The following GTF3C1 variants were observed in gnomAD, a reference collection of about 807,000 sequenced individuals.
GTF3C1 encodes general transcription factor 3C polypeptide 1.
GTF3C1 carries 57 observed loss-of-function variants against 226.7 expected under a neutral mutation model. The ratio of observed to expected loss-of-function variants is 0.25; its 90% CI spans 0.20 to 0.31. The LOEUF is 0.31. Ranked by LOEUF, GTF3C1 falls within the 10% of genes least tolerant of loss-of-function variation. The pLI, the probability that GTF3C1 is intolerant of heterozygous loss-of-function variation, is 1.00. For synonymous variants in GTF3C1, 1,090 were observed against 1,084.8 expected, an observed-to-expected ratio of 1.00 and a Z score of -0.09; for missense variants, 2,217 against 2,776.1, an observed-to-expected ratio of 0.80 and a Z score of 4.53.
At chr16:27,525,528 G>A (rs2088819534) in intron 6 of GTF3C1, among the ~76,000 whole-genome samples, 2 of 152,194 alleles carry the variant, frequency 1.3e-5, no homozygotes, top group African/African-American at 4.8e-5. Context: ...TCCTCCACAA[G>A]ACTTTTCTCA....
intron 19 of GTF3C1, 77 bp from the exon 20 acceptor site, chr16:27,489,820 G>C: frequency 1.4e-6 from 2 of 1,462,488 alleles, no homozygotes; most frequent in Non-Finnish European, 1.9e-6. Flanking sequence ...TGGCTGGGTG[G>C]GGAAGAAGAG....
rs1567395667 is a variant in GTF3C1 at position 27,492,349 on chromosome 16, T to C, written c.3140A>G (p.Asn1047Ser). The part of the protein sequence containing the change: ...YWFDLQCVCL[N>S]TPLGVVRCPR... ...CAGCCGACACCCACCTAGTGGGGTG[T>C]TGAGGCAGACGCACTGCAGGTCAAA... The change falls in exon 19 of 37, where the codon AAC becomes AGC. Residue 1047 changes from asparagine (N) to serine (S), a missense_variant. Asn to Ser is a conservative substitution (Grantham distance 46). This residue lies in a region of GTF3C1 where 353 missense variants were observed against 411.7 expected (regional missense o/e 0.86). Coordinates refer to ENST00000356183, the MANE Select transcript of GTF3C1 (RefSeq NM_001520.4). The surrounding 1 kb of genome is among the most constrained non-coding windows in gnomAD (Gnocchi z 5.0). 1 of 1,594,840 alleles carries C rather than the reference T, an allele frequency of 6.3e-7. No individual in the cohort carries two copies. The highest frequency in any genetic ancestry group is 2.2e-5 in the East Asian group (1 of 44,692).
chr16:27,546,472 GT>G (rs1159694912), intron 1 of GTF3C1, among the ~76,000 whole-genome samples: 1,410 of 83,546 alleles, frequency 0.017, 23 homozygotes, highest in African/African-American at 0.058. Flanking sequence ...AGCTTGTCAA[GT>G]TTTTTTTTTT....
chr16:27,535,860 A>G (rs1395302947), intron 4 of GTF3C1, among the ~76,000 whole-genome samples: 4 of 152,216 alleles, frequency 2.6e-5, no homozygotes, highest in East Asian at 1.9e-4. Context: ...AAAAAAAAAA[A>G]GGTGATCTCT....
chr16:27,532,385 G>C (rs1051187083), intron 5 of GTF3C1, among the ~76,000 whole-genome samples: 1 of 152,072 alleles, frequency 6.6e-6, no homozygotes, highest in Non-Finnish European at 1.5e-5. Context: ...ACTCATTAGG[G>C]GACTAACTAC....
chr16:27,547,532 T>C (rs1375628624), intron 1 of GTF3C1, among the ~76,000 whole-genome samples: 1 of 152,150 alleles, frequency 6.6e-6, no homozygotes, highest in Non-Finnish European at 1.5e-5. Context: ...ATGTCTTGAC[T>C]GCCTGTGCTC....
At chr16:27,505,026 C>T (rs973369456) in intron 10 of GTF3C1, among the ~76,000 whole-genome samples, 6 of 152,238 alleles carry the variant, frequency 3.9e-5, no homozygotes, top group African/African-American at 7.2e-5. Context: ...CTAGGTGCCT[C>T]GTTCTCTACT....
rs1231049860 is a variant in GTF3C1 at position 27,507,375 on chromosome 16, C to G, written c.1243-219G>C. Among the ~76,000 whole-genome samples the G allele has an allele frequency of 6.6e-6, 1 of 151,608 alleles. No homozygotes were observed. The highest frequency in any genetic ancestry group is 2.4e-5 in the African/African-American group (1 of 40,882). On this transcript the variant is annotated intron_variant, in intron 8 of 36. Transcript: ENST00000356183. The surrounding 1 kb of genome is among the most constrained non-coding windows in gnomAD (Gnocchi z 4.9). ...ACAGAGATCCTTCTCTGAAGTACAA[C>G]CCTGAATGTGTGTCTGCTCTATGAG...
intron 29 of GTF3C1, among the ~76,000 whole-genome samples, chr16:27,476,225 T>C (rs2087947817): frequency 6.6e-6 from 1 of 152,222 alleles, no homozygotes; most frequent in African/African-American, 2.4e-5. Flanking sequence ...CTGCAATGTA[T>C]ACGTACATCA....
chr16:27,480,544 G>T (rs77202736), intron 27 of GTF3C1, among the ~76,000 whole-genome samples: 1,542 of 152,252 alleles, frequency 0.01, 75 homozygotes, highest in Admixed American at 0.083. Context: ...CATTTTACAG[G>T]GAGAAATTCA....
At chr16:27,493,060 TA>T in intron 17 of GTF3C1, 138 bp downstream of exon 17, 1 of 610,124 alleles carries the variant, frequency 1.6e-6, no homozygotes, top group African/African-American at 1.8e-5. Context: ...TTAATATTAA[TA>T]ACTTAATAAA....
chr16:27,478,619 G>T, intron 27 of GTF3C1, 88 bp from the exon 28 acceptor site: 1 of 897,808 alleles, frequency 1.1e-6, no homozygotes, highest in Non-Finnish European at 1.9e-6. Context: ...CCATTTATTG[G>T]CTAAAGTGTT....
Position 27,464,830 on chromosome 16 carries a change from G to A in GTF3C1, c.5362C>T (p.Leu1788=), listed in dbSNP as rs1239860565. The stretch of plus-strand genomic sequence containing the variant: ...ACCTCCAGCACCTGATGCTGCTCCA[G>A]GAGGGCCTGGGGAGGCAGGAGACAC... ...RTFADCIQAL[L]EQHQVLEVGG... The change falls in exon 34 of 37, where the codon CTG becomes TTG. Residue 1788 remains leucine, a synonymous_variant. Coordinates refer to ENST00000356183, the MANE Select transcript of GTF3C1 (RefSeq NM_001520.4). The A allele has an allele frequency of 2.7e-6, 4 of 1,508,502 alleles. No homozygotes were observed. 93.4% of individuals were successfully genotyped at this position (1,508,502 alleles called of 1,614,324 possible). A position where few individuals can be genotyped will look rare whatever the true frequency, so the allele number is the denominator to read the frequency against.
intron 22 of GTF3C1, 21 bp from the exon 23 acceptor site, chr16:27,488,436 C>T (rs770384349): frequency 6.3e-7 from 1 of 1,597,188 alleles, no homozygotes; most frequent in Admixed American, 1.7e-5. Context: ...TCACAGGAGA[C>T]AACAGTTTCA....
intron 1 of GTF3C1, among the ~76,000 whole-genome samples, chr16:27,548,473 G>C (rs550270449): frequency 1.1e-3 from 170 of 152,230 alleles, no homozygotes; most frequent in Non-Finnish European, 1.9e-3. Context: ...CACCACGTTG[G>C]TCAGGCGGGT....
intron 6 of GTF3C1, among the ~76,000 whole-genome samples, chr16:27,519,413 C>T (rs139552432): frequency 6.6e-6 from 1 of 152,060 alleles, no homozygotes; most frequent in African/African-American, 2.4e-5. Flanking sequence ...GGGAGGGAGG[C>T]CTGGAAGGGA....
Position 27,489,723 on chromosome 16 carries a change from C to T in GTF3C1, c.3172G>A (p.Val1058Ile), listed in dbSNP as rs573704094. ...TGGTCTGTGCTGCTGTTCTTCCTGA[C>T]GCGCGGGCAGCGCACCACGCCTGGA... is the stretch of plus-strand genomic sequence containing the variant. ...TPLGVVRCPR[V>I]RKNSSTDQGS... The change falls in exon 20 of 37, where the codon GTC becomes ATC. Residue 1058 changes from valine (V) to isoleucine (I), a missense_variant. Coordinates refer to ENST00000356183, the MANE Select transcript of GTF3C1 (RefSeq NM_001520.4). 23 of 1,611,758 alleles carry T rather than the reference C, an allele frequency of 1.4e-5. No individual in the cohort carries two copies. Among genetic ancestry groups the T allele is most frequent in the African/African-American group, 2.7e-5 (2 of 75,074 alleles).
At chr16:27,509,272 C>G (rs770683503) in intron 7 of GTF3C1, among the ~76,000 whole-genome samples, 2 of 152,170 alleles carry the variant, frequency 1.3e-5, no homozygotes, top group Non-Finnish European at 2.9e-5. Context: ...TGGGCTGTCA[C>G]AAGCTGGTGT....
In GTF3C1 at chr16:27,528,635, C is replaced by G. The variant is rs1305803506; in HGVS notation, c.936G>C (p.Glu312Asp). ...LAKVVSLRLQ[E>D]IHPECGPCKT... ...TACAAGGTCCACATTCAGGGTGGAT[C>G]TCTTGCAAGCGAAGAGACACCACCT... The change falls in exon 6 of 37, where the codon GAG becomes GAC. Residue 312 changes from glutamate (E) to aspartate (D), a missense_variant. By Grantham distance (45) the Glu-to-Asp change is conservative. This residue lies in a region of GTF3C1 where 163 missense variants were observed against 234.3 expected (regional missense o/e 0.70). Coordinates refer to ENST00000356183, the MANE Select transcript of GTF3C1 (RefSeq NM_001520.4). 1.9e-6 allele frequency: 3 copies of G among 1,611,640 alleles called. No homozygotes were observed. The highest frequency in any genetic ancestry group is 1.3e-5 in the African/African-American group (1 of 74,886).
Sources: allele counts gnomAD v4.1 joint callset (sites outside exome capture counted in the v4.1 genomes callset), GRCh38; gene constraint gnomAD v4.1.1; regional missense constraint gnomAD v4.1.1; non-coding constraint Gnocchi (gnomAD v3.1); transcripts MANE v1.5; gene names NCBI Gene and HGNC (gene_info 2026-07-23, HGNC 2026-07-21).